PBX1: variants seen among roughly 807,000 people sequenced by gnomAD.
PBX1 encodes PBX homeobox 1.
PBX1 carries 6 observed loss-of-function variants against 53.4 expected under a neutral mutation model. That is an observed-to-expected ratio of 0.11 (90% CI 0.06 to 0.22). The LOEUF (loss-of-function observed/expected upper bound fraction) is 0.22. Ranked by LOEUF, PBX1 falls within the 10% of genes least tolerant of loss-of-function variation. The pLI is 1.00. For missense variants in PBX1, 251 were observed against 551.4 expected (o/e 0.46, Z 5.46); for synonymous variants, 204 against 212.3 (o/e 0.96, Z 0.34).
intron 2 of PBX1, among the ~76,000 whole-genome samples, chr1:164,760,026 C>G (rs898643927): frequency 6.6e-6 from 1 of 152,212 alleles, no homozygotes; most frequent in Non-Finnish European, 1.5e-5. Flanking sequence ...GCCACACGTG[C>G]TTTCTCCTCC....
intron 2 of PBX1, among the ~76,000 whole-genome samples, chr1:164,638,511 C>G (rs1658923413): frequency 6.6e-6 from 1 of 152,222 alleles, no homozygotes; most frequent in African/African-American, 2.4e-5. Context: ...GCTGCCTCTA[C>G]TGAGCCCGAG....
intron 2 of PBX1, among the ~76,000 whole-genome samples, chr1:164,860,324 T>C (rs1200094103): frequency 6.6e-6 from 1 of 152,196 alleles, no homozygotes. Flanking sequence ...TTGCTTTCTT[T>C]AAAGAATGTA....
At chr1:164,657,046 A>C (rs1400120600) in intron 2 of PBX1, 1 of 152,190 alleles carries the variant, frequency 6.6e-6, no homozygotes, top group African/African-American at 2.4e-5. Flanking sequence ...ATTCCAAATA[A>C]GGATATAATT....
At chr1:164,574,216 T>C (rs1386423489) in intron 2 of PBX1, among the ~76,000 whole-genome samples, 2 of 152,236 alleles carry the variant, frequency 1.3e-5, no homozygotes, top group African/African-American at 4.8e-5. Context: ...TTCCCTAGAA[T>C]AGACTGAGTG....
intron 2 of PBX1, chr1:164,576,989 G>T (rs1399778557): frequency 6.6e-6 from 1 of 152,246 alleles, no homozygotes; most frequent in African/African-American, 2.4e-5. Context: ...TCAGAAGGCC[G>T]CGTGTGAGCA....
intron 2 of PBX1, among the ~76,000 whole-genome samples, chr1:164,572,296 T>C (rs534068328): frequency 6.6e-6 from 1 of 152,262 alleles, no homozygotes; most frequent in Admixed American, 6.5e-5. Context: ...TTTCATTCTT[T>C]TCAATCTCTT....
At chr1:164,822,924 A>G (rs16835209) in intron 8 of PBX1, among the ~76,000 whole-genome samples, 2,856 of 152,214 alleles carry the variant, frequency 0.019, 90 homozygotes, top group African/African-American at 0.065. Context: ...AAATTCAAAC[A>G]TGGCTTGGCT....
At chr1:164,683,196 T>G (rs919283150) in intron 2 of PBX1, 3 of 152,206 alleles carry the variant, frequency 2.0e-5, no homozygotes, top group South Asian at 2.1e-4. Flanking sequence ...GGTGTATAGC[T>G]TTCCTTATTT....
At chr1:164,592,405 T>A (rs188848630) in intron 2 of PBX1, among the ~76,000 whole-genome samples, 2 of 152,190 alleles carry the variant, frequency 1.3e-5, no homozygotes, top group African/African-American at 4.8e-5. Flanking sequence ...AGCCCAACTT[T>A]CCAAAGTTAA....
At chr1:164,655,537 CTCTT>C (rs1660117606) in intron 2 of PBX1, among the ~76,000 whole-genome samples, 1 of 152,154 alleles carries the variant, frequency 6.6e-6, no homozygotes, top group Non-Finnish European at 1.5e-5. Context: ...GTTGGGACCA[CTCTT>C]AATCTTCCAA....
chr1:164,661,927 A>G (rs1660513841), intron 2 of PBX1, among the ~76,000 whole-genome samples: 1 of 152,234 alleles, frequency 6.6e-6, no homozygotes, highest in African/African-American at 2.4e-5. Context: ...CTAAAAATAC[A>G]CTTTCATGGA....
At chr1:164,883,774 GCTA>G (rs2102468665) in intron 2 of PBX1, among the ~76,000 whole-genome samples, 1 of 152,222 alleles carries the variant, frequency 6.6e-6, no homozygotes, top group African/African-American at 2.4e-5. Flanking sequence ...GCTCTTCTCA[GCTA>G]CTCAGAAACA....
chr1:164,666,135 C>T (rs573715567), intron 2 of PBX1, among the ~76,000 whole-genome samples: 2 of 152,276 alleles, frequency 1.3e-5, no homozygotes, highest in African/African-American at 2.4e-5. Context: ...ACTATTCCCA[C>T]GAATCCCTCA....
At chr1:164,595,631 G>A (rs990726871) in intron 2 of PBX1, among the ~76,000 whole-genome samples, 1 of 151,914 alleles carries the variant, frequency 6.6e-6, no homozygotes, top group African/African-American at 2.4e-5. Flanking sequence ...TGATATGATC[G>A]TTGTATATTC....
At chr1:164,829,637 A>T (rs918358541) in intron 8 of PBX1, 1 of 152,148 alleles carries the variant, frequency 6.6e-6, no homozygotes, top group African/African-American at 2.4e-5. Flanking sequence ...GGAAGAGGGG[A>T]GGGAGAGCAT....
chr1:164,661,383 T>C (rs1660479132), intron 2 of PBX1, among the ~76,000 whole-genome samples: 1 of 151,904 alleles, frequency 6.6e-6, no homozygotes, highest in Non-Finnish European at 1.5e-5. Context: ...AAAGCCCTGA[T>C]ATTGTGGTCT....
chr1:164,748,487 G>T lies in PBX1; in HGVS notation c.266-44007G>T, dbSNP rs547025200. 1.8e-4 allele frequency among the ~76,000 whole-genome samples: 28 copies of T among 152,216 alleles called. No homozygotes were observed. In the East Asian group the frequency reaches 5.0e-3, roughly 27 times the overall value. ...CTTAACAGTCATTAGAAGAGGTCAC[G>T]GCAGGCTCTGTGATCTCTATCATCT... On this transcript the variant is annotated intron_variant, in intron 2 of 8. Transcript: ENST00000420696.
intron 2 of PBX1, among the ~76,000 whole-genome samples, chr1:164,768,171 G>A (rs1485734378): frequency 6.6e-6 from 1 of 152,114 alleles, no homozygotes; most frequent in African/African-American, 2.4e-5. Flanking sequence ...CATGTGCTAG[G>A]GGCTCAGCAA....
intron 2 of PBX1, among the ~76,000 whole-genome samples, chr1:164,623,363 G>C (rs562282130): frequency 6.6e-6 from 1 of 152,310 alleles, no homozygotes; most frequent in Admixed American, 6.5e-5. Context: ...GTGGGAATGG[G>C]GGAGATGGGC....
Sources: gnomAD v4.1 joint callset for allele counts (sites outside exome capture counted in the v4.1 genomes callset) on GRCh38, gnomAD v4.1.1 for gene constraint, MANE v1.5 for transcripts, NCBI Gene and HGNC (gene_info 2026-07-23, HGNC 2026-07-21) for gene names.